The following CTNNA3 variants were observed in gnomAD, a reference collection of about 807,000 sequenced individuals.
CTNNA3 encodes the protein catenin alpha 3.
Under a neutral mutation model 95.7 loss-of-function variants are expected in CTNNA3, and 76 were observed. The ratio of observed to expected loss-of-function variants is 0.79; its 90% CI spans 0.66 to 0.96. The LOEUF (loss-of-function observed/expected upper bound fraction) is 0.96. CTNNA3 is among the 40% of genes least tolerant of loss of function. The pLI is 0.00. For missense variants in CTNNA3, 1,191 were observed against 1,089.8 expected (o/e 1.09, Z -1.31); for synonymous variants, 431 against 374.4 (o/e 1.15, Z -1.74).
chr10:66,168,298 C>T (rs1307473830), intron 13 of CTNNA3, among the ~76,000 whole-genome samples: 2 of 152,058 alleles, frequency 1.3e-5, no homozygotes, highest in African/African-American at 2.4e-5. Context: ...GCAATGCCAC[C>T]GTTTCTAGTA....
At chr10:66,110,360 TAAAAAAA>T (rs35402161) in intron 13 of CTNNA3, among the ~76,000 whole-genome samples, 5 of 104,874 alleles carry the variant, frequency 4.8e-5, no homozygotes, top group Admixed American at 1.1e-4. Context: ...AGACTCTGTC[TAAAAAAA>T]AAAAAAAAAA....
intron 5 of CTNNA3, among the ~76,000 whole-genome samples, chr10:67,515,803 C>T (rs926037466): frequency 6.6e-6 from 1 of 152,186 alleles, no homozygotes; most frequent in African/African-American, 2.4e-5. Flanking sequence ...CATACTTCAT[C>T]TTACAAAGGT....
In CTNNA3 at chr10:65,923,732, G is replaced by A. The variant is rs61423354; in HGVS notation, c.2401-3115C>T. On this transcript the variant is annotated intron_variant, in intron 17 of 17. Transcript: ENST00000433211. ...TAGATTTGTCCTTTGTCAATGTTCC[G>A]TTAGAATGTGACAACAAAAGACAAC... 8.2e-3 allele frequency among the ~76,000 whole-genome samples: 1,246 copies of A among 152,214 alleles called. 18 individuals carry two copies. Among genetic ancestry groups the A allele is most frequent in the African/African-American group, 0.029 (1,187 of 41,540 alleles).
At chr10:67,471,905 A>G (rs1284750299) in intron 5 of CTNNA3, among the ~76,000 whole-genome samples, 1 of 152,226 alleles carries the variant, frequency 6.6e-6, no homozygotes, top group African/African-American at 2.4e-5. Context: ...ATAAACAACT[A>G]TAAGATACAC....
intron 7 of CTNNA3, among the ~76,000 whole-genome samples, chr10:67,006,635 T>C (rs753240383): frequency 9.9e-5 from 15 of 152,178 alleles, no homozygotes; most frequent in South Asian, 2.1e-4. Context: ...AATTATGTAA[T>C]AAAAATTTAA....
chr10:65,950,241 T>C (rs1457100070), intron 17 of CTNNA3, among the ~76,000 whole-genome samples: 17 of 152,192 alleles, frequency 1.1e-4, no homozygotes, highest in Admixed American at 1.0e-3. Context: ...ACAACAAGCA[T>C]AAATTCAGCA....
At chr10:66,424,268 C>A (rs1297609565) in intron 11 of CTNNA3, among the ~76,000 whole-genome samples, 2 of 151,876 alleles carry the variant, frequency 1.3e-5, no homozygotes, top group Admixed American at 6.6e-5. Context: ...GCTTTAAGTA[C>A]TCCATATATT....
At chr10:66,545,679 T>A (rs1193142808) in intron 10 of CTNNA3, among the ~76,000 whole-genome samples, 1 of 152,012 alleles carries the variant, frequency 6.6e-6, no homozygotes, top group South Asian at 2.1e-4. Flanking sequence ...ATATTTCACA[T>A]CTTCACCACT....
At chr10:67,399,684 C>A (rs144037246) in intron 5 of CTNNA3, among the ~76,000 whole-genome samples, 1 of 152,294 alleles carries the variant, frequency 6.6e-6, no homozygotes, top group Non-Finnish European at 1.5e-5. Context: ...CTTCCCTGAT[C>A]CTGTCAACTG....
intron 7 of CTNNA3, among the ~76,000 whole-genome samples, chr10:67,172,845 T>C (rs4746669): frequency 0.3 from 45,249 of 151,728 alleles, 9,959 homozygotes; most frequent in African/African-American, 0.63. Context: ...TATGGTGGTG[T>C]ACACATGTAA....
chr10:67,581,191 A>G (rs529804199), intron 3 of CTNNA3, among the ~76,000 whole-genome samples: 103 of 152,170 alleles, frequency 6.8e-4, no homozygotes, highest in Non-Finnish European at 1.1e-3. Context: ...TATTGGCTGT[A>G]GGTTTCTCAT....
In CTNNA3 at chr10:66,864,932, C is replaced by T. The variant is rs1277758571; in HGVS notation, c.1048-89408G>A. ...TTATATTAAAATACGGAATTGTATA[C>T]ATTTAGATATTTTATAGGATAATGA... On this transcript the variant is annotated intron_variant, in intron 7 of 17. Coordinates refer to ENST00000433211, the MANE Select transcript of CTNNA3 (RefSeq NM_013266.4). 4.6e-5 allele frequency among the ~76,000 whole-genome samples: 7 copies of T among 152,030 alleles called. No individual in the cohort carries two copies. The East Asian group carries it at 1.4e-3, about 29-fold the overall frequency.
intron 5 of CTNNA3, among the ~76,000 whole-genome samples, chr10:67,500,323 A>G (rs930839133): frequency 2.0e-5 from 3 of 152,170 alleles, no homozygotes; most frequent in Non-Finnish European, 4.4e-5. Flanking sequence ...GTTCTCTTGC[A>G]TTTGCTAAGG....
chr10:66,782,259 T>C (rs76613017), intron 7 of CTNNA3, among the ~76,000 whole-genome samples: 14,820 of 152,086 alleles, frequency 0.097, 855 homozygotes, highest in Non-Finnish European at 0.13. Context: ...ATAGGAAGGG[T>C]TCAAGAAATG....
At chr10:66,357,487 C>T (rs1239913629) in intron 12 of CTNNA3, among the ~76,000 whole-genome samples, 2 of 152,130 alleles carry the variant, frequency 1.3e-5, no homozygotes, top group African/African-American at 2.4e-5. Flanking sequence ...CTTTAGCCAT[C>T]ACTCTCAAAT....
chr10:67,529,028 T>C lies in CTNNA3; in HGVS notation c.460-7067A>G, dbSNP rs532242567. Among the ~76,000 whole-genome samples the C allele has an allele frequency of 5.3e-5, 8 of 152,290 alleles. No individual in the cohort carries two copies. In the South Asian group the frequency reaches 1.7e-3, roughly 32 times the overall value. On this transcript the variant is annotated intron_variant, in intron 4 of 17. Transcript: ENST00000433211. ...TAGAGTAAATTTTAAGTGTTCTCAC[T>C]ACCAAAAATTGATAAGTATAAAAGG... is the stretch of plus-strand genomic sequence containing the variant.
chr10:66,475,033 T>G (rs773694199), intron 11 of CTNNA3, among the ~76,000 whole-genome samples: 1 of 151,994 alleles, frequency 6.6e-6, no homozygotes, highest in Non-Finnish European at 1.5e-5. Flanking sequence ...CTTATTCTCT[T>G]GACTATTTCC....
intron 10 of CTNNA3, among the ~76,000 whole-genome samples, chr10:66,608,106 A>T (rs1432633131): frequency 1.3e-5 from 2 of 152,176 alleles, no homozygotes; most frequent in African/African-American, 4.8e-5. Context: ...AAGTCTCAGG[A>T]TACAAAATTA....
intron 15 of CTNNA3, among the ~76,000 whole-genome samples, chr10:66,061,364 A>G (rs1355075883): frequency 6.6e-6 from 1 of 152,118 alleles, no homozygotes; most frequent in Non-Finnish European, 1.5e-5. Flanking sequence ...CTGCTGATAC[A>G]GTACTTTCTA....
Sources: gnomAD v4.1 joint callset for allele counts (sites outside exome capture counted in the v4.1 genomes callset) on GRCh38, gnomAD v4.1.1 for gene constraint, MANE v1.5 for transcripts, NCBI Gene and HGNC (gene_info 2026-07-23, HGNC 2026-07-21) for gene names.